The following CTNNA3 variants were observed in gnomAD, a reference collection of about 807,000 sequenced individuals.
CTNNA3 encodes the protein catenin alpha-3.
CTNNA3 carries 76 observed loss-of-function variants against 95.7 expected under a neutral mutation model. The observed-to-expected ratio is 0.79, with a 90% CI of 0.66 to 0.96. The LOEUF (loss-of-function observed/expected upper bound fraction) is 0.96. Among genes scored for constraint, CTNNA3 ranks in the 40% least tolerant of loss-of-function variants. The probability of loss-of-function intolerance (pLI) is 0.00; values close to 1 mark genes in which losing one functional copy is unlikely to be tolerated. For synonymous variants in CTNNA3, 431 were observed against 374.4 expected, an observed-to-expected ratio of 1.15 and a Z score of -1.74; for missense variants, 1,191 against 1,089.8, an observed-to-expected ratio of 1.09 and a Z score of -1.31.
intron 3 of CTNNA3, among the ~76,000 whole-genome samples, chr10:67,554,886 A>G (rs1343873162): frequency 6.6e-6 from 1 of 152,184 alleles, no homozygotes; most frequent in East Asian, 1.9e-4. Context: ...TTATCGTTTT[A>G]GGTCTGACAT....
intron 11 of CTNNA3, among the ~76,000 whole-genome samples, chr10:66,467,682 A>G (rs1838973037): frequency 6.6e-6 from 1 of 152,098 alleles, no homozygotes; most frequent in Non-Finnish European, 1.5e-5. Flanking sequence ...GCTAATAGCT[A>G]TTAAGATGAA....
intron 7 of CTNNA3, among the ~76,000 whole-genome samples, chr10:66,845,510 C>T (rs1218434288): frequency 6.6e-6 from 1 of 151,250 alleles, no homozygotes; most frequent in East Asian, 2.0e-4. Flanking sequence ...TCGAGACCAG[C>T]CTGACCAACA....
At chr10:67,659,483 T>C (rs1444371593) in intron 1 of CTNNA3, among the ~76,000 whole-genome samples, 1 of 152,224 alleles carries the variant, frequency 6.6e-6, no homozygotes, top group Admixed American at 6.5e-5. Flanking sequence ...GGACATTTTG[T>C]ACCATATAAA....
chr10:67,720,129 CTTTTTTTTTTTTTTT>C (rs58074397), intron 1 of CTNNA3, among the ~76,000 whole-genome samples: 1 of 6,614 alleles, frequency 1.5e-4, no homozygotes, highest in African/African-American at 6.7e-4. Context: ...GCAACCCCTG[CTTTTTTTTTTTTTTT>C]TTTTTTTTGC....
intron 16 of CTNNA3, among the ~76,000 whole-genome samples, chr10:65,971,750 C>G (rs985588991): frequency 6.6e-6 from 1 of 151,972 alleles, no homozygotes; most frequent in Admixed American, 6.6e-5. Context: ...GAGCTGATAC[C>G]AATCCTACTG....
intron 10 of CTNNA3, among the ~76,000 whole-genome samples, chr10:66,563,064 A>G (rs1842602066): frequency 6.6e-6 from 1 of 152,092 alleles, no homozygotes; most frequent in Admixed American, 6.6e-5. Context: ...TGTCACTGCC[A>G]AAGAACAGCA....
rs2081426727 is a variant in CTNNA3, at chr10:66,097,165, T to C, written c.1977+5992A>G. Among the ~76,000 whole-genome samples the C allele has an allele frequency of 2.0e-5, 3 of 152,122 alleles. No homozygotes were observed. In the South Asian group the frequency reaches 6.2e-4, roughly 32 times the overall value. The stretch of plus-strand genomic sequence containing the variant: ...AGCATTTCTTCATTAGTCCCCTTCT[T>C]GAGGCAAAAAATAATTTCAAAAGAC... On this transcript the variant is annotated intron_variant, in intron 14 of 17. Transcript: ENST00000433211.
At chr10:66,038,997 C>A (rs1008186729) in intron 15 of CTNNA3, among the ~76,000 whole-genome samples, 1 of 152,122 alleles carries the variant, frequency 6.6e-6, no homozygotes, top group Non-Finnish European at 1.5e-5. Context: ...TAGAAAATCC[C>A]ATAGTCTCAA....
intron 5 of CTNNA3, among the ~76,000 whole-genome samples, chr10:67,234,622 T>C (rs1865370378): frequency 6.6e-6 from 1 of 151,714 alleles, no homozygotes; most frequent in Non-Finnish European, 1.5e-5. Context: ...ATGCCCTCTC[T>C]CACCACTCCT....
In CTNNA3 at chr10:65,970,019, G is replaced by A. The variant is rs1160023337; in HGVS notation, c.2266-3273C>T. Among the ~76,000 whole-genome samples, 6 of 152,184 alleles carry A rather than the reference G, an allele frequency of 3.9e-5. No individual in the cohort carries two copies. The East Asian group carries it at 1.2e-3, about 29-fold the overall frequency. On this transcript the variant is annotated intron_variant, in intron 16 of 17. Coordinates refer to ENST00000433211, the MANE Select transcript of CTNNA3 (RefSeq NM_013266.4). Reference sequence around the variant, plus strand: ...AAAGAAAAAATCTCAAAGGCAGCTAGAGAAAAAGGTCAGAAGACACACAAA... The same window carrying A: ...AAAGAAAAAATCTCAAAGGCAGCTAAAGAAAAAGGTCAGAAGACACACAAA...
At chr10:66,833,378 CT>C (rs1341990957) in intron 7 of CTNNA3, among the ~76,000 whole-genome samples, 1 of 152,170 alleles carries the variant, frequency 6.6e-6, no homozygotes, top group Non-Finnish European at 1.5e-5. Context: ...TTGTTTATAT[CT>C]CTATAATAAG....
intron 5 of CTNNA3, among the ~76,000 whole-genome samples, chr10:67,407,067 A>G (rs1034968443): frequency 6.6e-6 from 1 of 152,190 alleles, no homozygotes; most frequent in Non-Finnish European, 1.5e-5. Context: ...AACCCATTCT[A>G]TGAGGCCAGC....
intron 7 of CTNNA3, among the ~76,000 whole-genome samples, chr10:66,976,949 A>G (rs1292552925): frequency 2.0e-5 from 3 of 152,168 alleles, no homozygotes; most frequent in Non-Finnish European, 2.9e-5. Flanking sequence ...CAAAATTTAA[A>G]TTTCTAGTAT....
chr10:66,236,185 CAAAG>C (rs1159094154), intron 13 of CTNNA3, among the ~76,000 whole-genome samples: 1 of 152,044 alleles, frequency 6.6e-6, no homozygotes, highest in East Asian at 1.9e-4. Flanking sequence ...CAGAAAAGCT[CAAAG>C]AAAGATAAGT....
intron 3 of CTNNA3, among the ~76,000 whole-genome samples, chr10:67,549,919 T>C (rs1349482847): frequency 6.6e-6 from 1 of 152,218 alleles, no homozygotes; most frequent in African/African-American, 2.4e-5. Context: ...ATTTACTTTC[T>C]GGCCTTTCAC....
At chr10:66,467,282 G>T (rs770260137) in intron 11 of CTNNA3, among the ~76,000 whole-genome samples, 1 of 152,044 alleles carries the variant, frequency 6.6e-6, no homozygotes, top group African/African-American at 2.4e-5. Flanking sequence ...AAACACAAGA[G>T]AGTAGGTCCT....
chr10:67,584,448 C>A (rs537679027), intron 3 of CTNNA3, among the ~76,000 whole-genome samples: 1 of 152,290 alleles, frequency 6.6e-6, no homozygotes, highest in East Asian at 1.9e-4. Flanking sequence ...CAGAGGGTCA[C>A]CCAGCTGTAT....
rs189880302 is a variant in CTNNA3, at chr10:66,135,017, T to C, written c.1885-31768A>G. Among the ~76,000 whole-genome samples, 169 of 152,270 alleles carry C rather than the reference T, an allele frequency of 1.1e-3. 1 individual carries two copies. Among genetic ancestry groups the C allele is most frequent in the African/African-American group, 3.9e-3 (164 of 41,570 alleles). ...TAGATAGAGTGAATGTTTAAAGATA[T>C]TGTTGTATTGGAGAACTAGAATTCT... On this transcript the variant is annotated intron_variant, in intron 13 of 17. Transcript: ENST00000433211.
At chr10:67,256,446 G>A (rs1319533168) in intron 5 of CTNNA3, among the ~76,000 whole-genome samples, 1 of 152,014 alleles carries the variant, frequency 6.6e-6, no homozygotes, top group Non-Finnish European at 1.5e-5. Flanking sequence ...ATTATTAAAA[G>A]AACAATATAG....
Sources: allele counts gnomAD v4.1 joint callset (sites outside exome capture counted in the v4.1 genomes callset), GRCh38; gene constraint gnomAD v4.1.1; transcripts MANE v1.5; gene names NCBI Gene and HGNC (gene_info 2026-07-23, HGNC 2026-07-21).